PIGK: variants seen among roughly 807,000 people sequenced by gnomAD.
PIGK encodes the protein GPI-anchor transamidase.
PIGK carries 42 observed loss-of-function variants against 50.6 expected under a neutral mutation model. The observed-to-expected ratio is 0.83, with a 90% CI of 0.65 to 1.07. The LOEUF is 1.07. Among genes scored for constraint, PIGK ranks in the 50% least tolerant of loss-of-function variants. The pLI is 0.00. For missense variants in PIGK, 448 were observed against 488.7 expected (o/e 0.92, Z 0.78); for synonymous variants, 151 against 156.0 (o/e 0.97, Z 0.24).
At chr1:77,141,029 C>A (rs1345787139) in intron 9 of PIGK, among the ~76,000 whole-genome samples, 1 of 152,074 alleles carries the variant, frequency 6.6e-6, no homozygotes, top group Non-Finnish European at 1.5e-5. Context: ...ATATAAAATA[C>A]TATTTTCTTG....
At chr1:77,129,100 G>A (rs1654297785) in intron 9 of PIGK, 3 of 906,786 alleles carry the variant, frequency 3.3e-6, no homozygotes, top group African/African-American at 3.3e-5. Context: ...AGCAGCCTGA[G>A]GTAATCTGTG....
chr1:77,099,147 TATTA>T (rs953322836), intron 10 of PIGK, among the ~76,000 whole-genome samples: 1 of 152,120 alleles, frequency 6.6e-6, no homozygotes, highest in Non-Finnish European at 1.5e-5. Context: ...TACATCCACA[TATTA>T]ATCAATAAAA....
intron 10 of PIGK, among the ~76,000 whole-genome samples, chr1:77,106,763 C>T (rs1386305305): frequency 6.6e-6 from 1 of 151,744 alleles, no homozygotes; most frequent in Admixed American, 6.6e-5. Context: ...CTATTTAGCA[C>T]GAGGAAAATG....
chr1:77,209,274 A>G (rs1369435600), intron 2 of PIGK, among the ~76,000 whole-genome samples: 1 of 152,152 alleles, frequency 6.6e-6, no homozygotes, highest in East Asian at 1.9e-4. Context: ...TTTTCCAAGC[A>G]TAGGAAAAAC....
chr1:77,159,732 C>T (rs1655093972), intron 8 of PIGK, among the ~76,000 whole-genome samples: 1 of 152,126 alleles, frequency 6.6e-6, no homozygotes, highest in South Asian at 2.1e-4. Context: ...TTCGTTTTGG[C>T]CAATTTCTCC....
At chr1:77,178,413 T>C (rs1200784241) in intron 3 of PIGK, among the ~76,000 whole-genome samples, 1 of 152,202 alleles carries the variant, frequency 6.6e-6, no homozygotes, top group Non-Finnish European at 1.5e-5. Context: ...TCTACTGTAA[T>C]ATGTATAGTT....
chr1:77,139,350 A>G (rs983254993), intron 9 of PIGK, among the ~76,000 whole-genome samples: 2 of 151,880 alleles, frequency 1.3e-5, no homozygotes, highest in African/African-American at 4.8e-5. Context: ...CAATAGCAGG[A>G]TAAGTCACAC....
chr1:77,150,600 G>A (rs572308444), intron 9 of PIGK, among the ~76,000 whole-genome samples: 4 of 151,550 alleles, frequency 2.6e-5, no homozygotes, highest in Non-Finnish European at 5.9e-5. Flanking sequence ...TGACAAACCT[G>A]TAGTTAGACT....
At chr1:77,132,248 T>C (rs949332431) in intron 9 of PIGK, among the ~76,000 whole-genome samples, 10 of 152,034 alleles carry the variant, frequency 6.6e-5, no homozygotes, top group Non-Finnish European at 1.0e-4. Context: ...ACATTTAATG[T>C]AATAAGTGAT....
intron 10 of PIGK, among the ~76,000 whole-genome samples, chr1:77,119,239 G>A (rs1023943516): frequency 2.0e-5 from 3 of 152,116 alleles, no homozygotes; most frequent in Admixed American, 6.5e-5. Context: ...TTGCTAAATT[G>A]GGAGAATTTA....
intron 10 of PIGK, among the ~76,000 whole-genome samples, chr1:77,104,333 A>G (rs1653616948): frequency 6.6e-6 from 1 of 152,170 alleles, no homozygotes. Flanking sequence ...AATCAAATGT[A>G]AAGAAAAACA....
chr1:77,154,760 A>C (rs1654972686), intron 8 of PIGK, 139 bp from the exon 9 acceptor site: 3 of 615,582 alleles, frequency 4.9e-6, no homozygotes, highest in Non-Finnish European at 5.6e-6. Context: ...AAAGACCTTA[A>C]AGATTAAAGT....
At chr1:77,173,034 A>G (rs1341681316) in intron 3 of PIGK, among the ~76,000 whole-genome samples, 1 of 152,194 alleles carries the variant, frequency 6.6e-6, no homozygotes, top group Admixed American at 6.5e-5. Flanking sequence ...TAAGTTAATC[A>G]AGGGAACCCA....
intron 10 of PIGK, among the ~76,000 whole-genome samples, chr1:77,112,872 C>T (rs1202246674): frequency 6.6e-6 from 1 of 152,036 alleles, no homozygotes; most frequent in Non-Finnish European, 1.5e-5. Flanking sequence ...TTATTAAAAA[C>T]CAACAATCCT....
chr1:77,161,696 CAGT>C lies in PIGK; in HGVS notation c.597_599del (p.Leu200del). On this transcript the variant is annotated inframe_deletion, in exon 7 of 11. Coordinates refer to ENST00000370812, the MANE Select transcript of PIGK (RefSeq NM_005482.3). ...CTCCTTGGCAAGTATCAATAATAAA[CAGT>C]AGCTCATTGTAGCTGAAAGAAAAAT... 2.7e-6 allele frequency: 4 copies of C among 1,489,210 alleles called. No homozygotes were observed. Among genetic ancestry groups the C allele is most frequent in the Non-Finnish European group, 3.7e-6 (4 of 1,066,880 alleles). The allele number at this position is 1,489,210 out of a possible 1,614,324, so 92.2% of individuals were successfully genotyped here.
rs545899806 is a variant in PIGK, at chr1:77,107,063, A to G, written c.1072-14573T>C. 9.2e-5 allele frequency among the ~76,000 whole-genome samples: 14 copies of G among 152,096 alleles called. No individual in the cohort carries two copies. In the East Asian group the frequency reaches 2.5e-3, roughly 27 times the overall value. The stretch of plus-strand genomic sequence containing the variant: ...AGCTCCTGGATTCATTGAATTTTCG[A>G]AGGGTTTTTTGTGTCTCTATCTCCT... On this transcript the variant is annotated intron_variant, in intron 10 of 10. Transcript: ENST00000370812.
At chr1:77,193,956 C>A (rs1010267333) in intron 3 of PIGK, among the ~76,000 whole-genome samples, 1 of 152,052 alleles carries the variant, frequency 6.6e-6, no homozygotes, top group Non-Finnish European at 1.5e-5. Context: ...GGTCTAATAT[C>A]CAGAATCTAT....
In PIGK at chr1:77,121,779, C is replaced by T. The variant is rs149557863; in HGVS notation, c.1071+496G>A. 1.4e-3 allele frequency among the ~76,000 whole-genome samples: 207 copies of T among 152,184 alleles called. 1 individual carries two copies. Among genetic ancestry groups the T allele is most frequent in the African/African-American group, 4.2e-3 (174 of 41,504 alleles). ...TCTCAATGATTACAGTTATGTAGAA[C>T]GGATGATAAAATCATTATAATTGGA... On this transcript the variant is annotated intron_variant, in intron 10 of 10. Coordinates refer to ENST00000370812, the MANE Select transcript of PIGK (RefSeq NM_005482.3).
intron 1 of PIGK, among the ~76,000 whole-genome samples, chr1:77,214,670 GAAAT>G (rs1328956696): frequency 2.0e-5 from 3 of 152,056 alleles, no homozygotes; most frequent in African/African-American, 7.2e-5. Flanking sequence ...TCAAGAGAAA[GAAAT>G]AAAAGGCATC....
Sources: gnomAD v4.1 joint callset for allele counts (sites outside exome capture counted in the v4.1 genomes callset) on GRCh38, gnomAD v4.1.1 for gene constraint, MANE v1.5 for transcripts, NCBI Gene and HGNC (gene_info 2026-07-23, HGNC 2026-07-21) for gene names.